TEX11: variants seen among roughly 807,000 people sequenced by gnomAD.
The protein encoded by TEX11 is testis-expressed protein 11.
In TEX11, 7 loss-of-function variants were observed where a neutral mutation model predicts 84.4. That is an observed-to-expected ratio of 0.08 (90% confidence interval 0.05 to 0.16). The LOEUF (loss-of-function observed/expected upper bound fraction) is 0.16, where lower values mean the gene tolerates loss of function less well. TEX11 is among the 10% of genes least tolerant of loss of function. The probability of loss-of-function intolerance (pLI) is 1.00; values close to 1 mark genes in which losing one functional copy is unlikely to be tolerated. For synonymous variants in TEX11, 264 were observed against 222.8 expected (o/e 1.18, Z -1.64); for missense variants, 551 against 660.5 (o/e 0.83, Z 1.82).
At chrX:70,575,539 C>T (rs962830067) in intron 25 of TEX11, among the ~76,000 whole-genome samples, 2 of 111,632 alleles carry the variant, frequency 1.8e-5, no homozygotes, top group African/African-American at 6.5e-5. Flanking sequence ...AGTGTTTCTC[C>T]CCTCTGGAGG....
At position 70,827,339 on chromosome X, in the gene TEX11, C is replaced by T. The variant is rs146482385; in HGVS notation, c.606+6174G>A. Among the ~76,000 whole-genome samples, 796 of 111,814 alleles carry T rather than the reference C, an allele frequency of 7.1e-3. 7 individuals carry two copies. Among genetic ancestry groups the T allele is most frequent in the African/African-American group, 0.025 (767 of 30,778 alleles). On this transcript the variant is annotated intron_variant, in intron 8 of 29. Transcript: ENST00000374333. ...CTTCAGGGGACACCCAGCACATTCC[C>T]AGCTGTGGTGGCTCCAGTGAAAGAC...
chrX:70,875,643 G>A (rs1246888880), intron 3 of TEX11, among the ~76,000 whole-genome samples: 5 of 109,665 alleles, frequency 4.6e-5, no homozygotes, highest in Admixed American at 2.0e-4. Flanking sequence ...TCAGCTACTC[G>A]GGAGGCTGAG....
rs1158880762 is a variant in TEX11, at chrX:70,724,089, C to A, written c.925+1173G>T. On this transcript the variant is annotated intron_variant, in intron 12 of 29. Transcript: ENST00000374333. ...CTTCTTACCTACATTTGGATAAACA[C>A]TGTCATAAGGAATTATCATCCCAAA... The A allele has an allele frequency of 8.0e-6, 6 of 751,494 alleles. No homozygotes were observed. The Admixed American group carries it at 5.3e-4, about 67-fold the overall frequency. 61.9% of individuals were successfully genotyped at this position (751,494 alleles called of 1,213,427 possible). A position where few individuals can be genotyped will look rare whatever the true frequency, so the allele number is the denominator to read the frequency against.
chrX:70,877,669 A>G (rs1281490476), intron 3 of TEX11, among the ~76,000 whole-genome samples: 1 of 112,370 alleles, frequency 8.9e-6, no homozygotes, highest in Non-Finnish European at 1.9e-5. Flanking sequence ...AAAATGTGGT[A>G]CACACATACA....
chrX:70,678,188 T>C (rs1313509981), intron 15 of TEX11, among the ~76,000 whole-genome samples: 1 of 111,088 alleles, frequency 9.0e-6, no homozygotes, highest in Admixed American at 9.6e-5. Flanking sequence ...AAAGCCTTTT[T>C]TTTTCTTTTC....
intron 9 of TEX11, among the ~76,000 whole-genome samples, chrX:70,797,853 A>G (rs1158358486): frequency 1.0e-5 from 1 of 98,249 alleles, no homozygotes; most frequent in Non-Finnish European, 2.0e-5. Context: ...GAAGGAATGT[A>G]CCTCATCATA....
chrX:70,822,592 G>A (rs1400711991), intron 8 of TEX11, among the ~76,000 whole-genome samples: 2 of 111,340 alleles, frequency 1.8e-5, no homozygotes, highest in African/African-American at 6.5e-5. Context: ...GTCAGTTTGT[G>A]TCACTATAAA....
chrX:70,805,281 C>T (rs1489088828), intron 9 of TEX11, among the ~76,000 whole-genome samples: 1 of 111,128 alleles, frequency 9.0e-6, no homozygotes, highest in African/African-American at 3.3e-5. Flanking sequence ...ATCATATTCA[C>T]AAAAGTTAGA....
intron 2 of TEX11, among the ~76,000 whole-genome samples, chrX:70,883,771 C>G (rs1300979352): frequency 3.6e-5 from 4 of 112,188 alleles, no homozygotes; most frequent in Non-Finnish European, 7.5e-5. Context: ...TGGGGGTTCA[C>G]TCGATTGAGG....
intron 9 of TEX11, among the ~76,000 whole-genome samples, chrX:70,796,967 T>TGTTA (rs2091159028): frequency 8.9e-6 from 1 of 111,747 alleles, no homozygotes; most frequent in Admixed American, 9.5e-5. Context: ...GAATAACAGG[T>TGTTA]GTTAGCTGGG....
At chrX:70,897,675 AAGAAAAAGAAAG>A (rs1226757960) in intron 2 of TEX11, 1 of 67,769 alleles carries the variant, frequency 1.5e-5, no homozygotes, top group African/African-American at 5.7e-5. Context: ...AAAACAAAGA[AAGAAAAAGAAAG>A]AAAGAAAGAA....
Position 70,728,242 on chromosome X carries a change from C to G in TEX11, c.844-2899G>C, listed in dbSNP as rs143489264. On this transcript the variant is annotated intron_variant, in intron 11 of 29. Coordinates refer to ENST00000374333, the MANE Select transcript of TEX11 (RefSeq NM_031276.3). ...TCTACAGCTCCCAGTGTGAGCAACACAGAAGACAGGTGATTTCTGCATTTC... is the reference window on the plus strand; with the variant it reads ...TCTACAGCTCCCAGTGTGAGCAACAGAGAAGACAGGTGATTTCTGCATTTC... Among the ~76,000 whole-genome samples, 62 of 112,400 alleles carry G rather than the reference C, an allele frequency of 5.5e-4. No individual in the cohort carries two copies. The East Asian group carries it at 0.016, about 29-fold the overall frequency.
intron 13 of TEX11, among the ~76,000 whole-genome samples, chrX:70,691,940 A>T: frequency 9.2e-6 from 1 of 109,053 alleles, no homozygotes; most frequent in East Asian, 2.9e-4. Flanking sequence ...ATTGTCAATT[A>T]TATCTCAAAA....
intron 5 of TEX11, among the ~76,000 whole-genome samples, chrX:70,854,471 C>T (rs758020104): frequency 9.0e-6 from 1 of 111,569 alleles, no homozygotes; most frequent in African/African-American, 3.3e-5. Flanking sequence ...TGGCTCACGC[C>T]TGTAATCCTA....
At chrX:70,673,961 G>C (rs1488298808) in intron 15 of TEX11, among the ~76,000 whole-genome samples, 1 of 111,761 alleles carries the variant, frequency 8.9e-6, no homozygotes, top group Non-Finnish European at 1.9e-5. Context: ...GTAAACACAT[G>C]TCACAGGGGT....
chrX:70,636,569 C>A (rs982389494), intron 17 of TEX11, among the ~76,000 whole-genome samples: 1 of 112,417 alleles, frequency 8.9e-6, no homozygotes, highest in African/African-American at 3.2e-5. Flanking sequence ...GACTCAGGCT[C>A]CAGGCCTATC....
At chrX:70,564,329 T>A (rs954740591) in intron 25 of TEX11, among the ~76,000 whole-genome samples, 1 of 112,349 alleles carries the variant, frequency 8.9e-6, no homozygotes, top group Admixed American at 9.4e-5. Flanking sequence ...CCTCATAAAA[T>A]CCATGTATTA....
At chrX:70,760,334 G>T (rs754136403) in intron 9 of TEX11, among the ~76,000 whole-genome samples, 2 of 111,866 alleles carry the variant, frequency 1.8e-5, no homozygotes, top group South Asian at 3.8e-4. Flanking sequence ...GAACAAAGCT[G>T]CAGGCATCAT....
At chrX:70,709,462 C>T (rs942490296) in intron 13 of TEX11, among the ~76,000 whole-genome samples, 1 of 110,977 alleles carries the variant, frequency 9.0e-6, no homozygotes, top group Non-Finnish European at 1.9e-5. Flanking sequence ...ACCTCAAGTA[C>T]GTATTATTAC....
Sources: allele counts gnomAD v4.1 joint callset (sites outside exome capture counted in the v4.1 genomes callset), GRCh38; gene constraint gnomAD v4.1.1; transcripts MANE v1.5; gene names NCBI Gene and HGNC (gene_info 2026-07-23, HGNC 2026-07-21).